The following ARHGAP42 variants were observed in gnomAD, a reference collection of about 807,000 sequenced individuals.
The protein encoded by ARHGAP42 is rho GTPase-activating protein 42.
In ARHGAP42, 63 loss-of-function variants were observed where a neutral mutation model predicts 125.0. The ratio of observed to expected loss-of-function variants is 0.50; its 90% CI spans 0.41 to 0.62. The LOEUF is 0.62. Ranked by LOEUF, ARHGAP42 falls within the 20% of genes least tolerant of loss-of-function variation. ARHGAP42 has a pLI of 0.00. For synonymous variants in ARHGAP42, 339 were observed against 351.0 expected (o/e 0.97, Z 0.38); for missense variants, 766 against 1,024.2 (o/e 0.75, Z 3.44).
At chr11:100,753,844 A>G (rs562064459) in intron 1 of ARHGAP42, among the ~76,000 whole-genome samples, 1 of 151,900 alleles carries the variant, frequency 6.6e-6, no homozygotes, top group East Asian at 1.9e-4. Flanking sequence ...CCTCTCTCAC[A>G]CTCTGGAGAC....
chr11:100,739,096 T>C (rs1365433674), intron 1 of ARHGAP42, among the ~76,000 whole-genome samples: 5 of 152,206 alleles, frequency 3.3e-5, no homozygotes, highest in African/African-American at 9.6e-5. Flanking sequence ...AACAGAAATA[T>C]GTAGATTTGA....
At chr11:100,817,370 A>G (rs1836342284) in intron 3 of ARHGAP42, among the ~76,000 whole-genome samples, 1 of 152,158 alleles carries the variant, frequency 6.6e-6, no homozygotes, top group African/African-American at 2.4e-5. Context: ...GGTATCCCTT[A>G]ACATTATCTG....
chr11:100,772,684 C>G (rs929842588), intron 2 of ARHGAP42, among the ~76,000 whole-genome samples: 6 of 152,168 alleles, frequency 3.9e-5, no homozygotes, highest in Admixed American at 3.3e-4. Flanking sequence ...CATTTCTTGA[C>G]ATTGGTGATA....
intron 2 of ARHGAP42, among the ~76,000 whole-genome samples, chr11:100,786,557 A>G (rs965788025): frequency 3.3e-5 from 5 of 152,090 alleles, no homozygotes; most frequent in Admixed American, 6.6e-5. Flanking sequence ...ATGAGTATAT[A>G]TACCTGAACT....
At chr11:100,875,073 G>GTCTCTCTCTCTCTCTC (rs143461552) in intron 4 of ARHGAP42, among the ~76,000 whole-genome samples, 1 of 110,462 alleles carries the variant, frequency 9.1e-6, no homozygotes, top group African/African-American at 3.6e-5. Flanking sequence ...CTAATCCACT[G>GTCTCTCTCTCTCTCTC]TCTCTCTCTC....
chr11:100,852,917 G>A (rs138648148), intron 3 of ARHGAP42, among the ~76,000 whole-genome samples: 1,687 of 152,168 alleles, frequency 0.011, 15 homozygotes, highest in Non-Finnish European at 0.019. Context: ...CAGTATCCCC[G>A]AAGAACATTT....
rs576943451 is a variant in ARHGAP42, at chr11:100,774,898, A to AGT, written c.250+4462_250+4463dup. Among the ~76,000 whole-genome samples the AGT allele has an allele frequency of 1.3e-3, 200 of 152,170 alleles. 1 individual carries two copies. The highest frequency in any genetic ancestry group is 4.4e-3 in the African/African-American group (183 of 41,522). On this transcript the variant is annotated intron_variant, in intron 2 of 23. Coordinates refer to ENST00000298815, the MANE Select transcript of ARHGAP42 (RefSeq NM_152432.4). ...TTTTTGTTTTGTTTTGTTTTGCGCC[A>AGT]GTGACACACTGCTGGCTTGGAAGGA...
chr11:100,715,915 GT>G (rs1335675523), intron 1 of ARHGAP42, among the ~76,000 whole-genome samples: 1 of 152,214 alleles, frequency 6.6e-6, no homozygotes, highest in African/African-American at 2.4e-5. Context: ...TGGTTGAGAA[GT>G]CATTGGAGGA....
intron 12 of ARHGAP42, among the ~76,000 whole-genome samples, chr11:100,952,727 A>C (rs1410448105): frequency 2.1e-5 from 1 of 46,834 alleles, no homozygotes; most frequent in Non-Finnish European, 4.0e-5. Context: ...AATTCACCTA[A>C]GTCAGGCTTT....
chr11:100,742,039 T>C (rs1169021060), intron 1 of ARHGAP42, among the ~76,000 whole-genome samples: 1 of 152,182 alleles, frequency 6.6e-6, no homozygotes, highest in South Asian at 2.1e-4. Flanking sequence ...ATCTAAATAG[T>C]CTTCTCCCCT....
At chr11:100,806,319 C>G (rs560458691) in intron 3 of ARHGAP42, among the ~76,000 whole-genome samples, 1 of 152,238 alleles carries the variant, frequency 6.6e-6, no homozygotes, top group East Asian at 1.9e-4. Context: ...ATTATTTTTG[C>G]CGTACATCTT....
At chr11:100,833,042 CT>C (rs1247051212) in intron 3 of ARHGAP42, among the ~76,000 whole-genome samples, 1 of 152,176 alleles carries the variant, frequency 6.6e-6, no homozygotes, top group Non-Finnish European at 1.5e-5. Context: ...AGAAGTCTAA[CT>C]CTGCATTTTT....
chr11:100,830,178 T>C (rs1454668424), intron 3 of ARHGAP42, among the ~76,000 whole-genome samples: 3 of 152,212 alleles, frequency 2.0e-5, no homozygotes, highest in Non-Finnish European at 4.4e-5. Context: ...ATATTACACA[T>C]GCGTGTGTCT....
chr11:100,769,558 A>G (rs1667743920), intron 1 of ARHGAP42, among the ~76,000 whole-genome samples: 1 of 152,152 alleles, frequency 6.6e-6, no homozygotes, highest in African/African-American at 2.4e-5. Flanking sequence ...ACAGCCTTTC[A>G]GGTCATCTTT....
intron 2 of ARHGAP42, among the ~76,000 whole-genome samples, chr11:100,792,570 G>A (rs3858412): frequency 0.52 from 78,560 of 151,864 alleles, 20,817 homozygotes; most frequent in South Asian, 0.63. Flanking sequence ...ACTTCATACT[G>A]TTTTACACAT....
At chr11:100,768,275 G>A (rs1202709737) in intron 1 of ARHGAP42, among the ~76,000 whole-genome samples, 2 of 152,042 alleles carry the variant, frequency 1.3e-5, no homozygotes, top group African/African-American at 4.8e-5. Context: ...TATTGCCAAG[G>A]AGCAGGATGT....
chr11:100,898,349 G>T (rs1866420831), intron 4 of ARHGAP42, among the ~76,000 whole-genome samples: 1 of 152,142 alleles, frequency 6.6e-6, no homozygotes, highest in African/African-American at 2.4e-5. Context: ...GATGATGGTG[G>T]CCTCATAAAA....
chr11:100,796,189 TTTTCATTAGTGTTA>T (rs1335253279), intron 3 of ARHGAP42, among the ~76,000 whole-genome samples: 1 of 152,214 alleles, frequency 6.6e-6, no homozygotes, highest in African/African-American at 2.4e-5. Context: ...GTTTCAAATT[TTTTCATTAGTGTTA>T]TATCTGTTGT....
intron 12 of ARHGAP42, among the ~76,000 whole-genome samples, chr11:100,958,141 T>G (rs1257459680): frequency 1.3e-5 from 2 of 151,728 alleles, no homozygotes; most frequent in African/African-American, 4.8e-5. Flanking sequence ...GTTGTTGTCC[T>G]TAAAACTGAA....
Sources: allele counts gnomAD v4.1 joint callset (sites outside exome capture counted in the v4.1 genomes callset), GRCh38; gene constraint gnomAD v4.1.1; transcripts MANE v1.5; gene names NCBI Gene and HGNC (gene_info 2026-07-23, HGNC 2026-07-21).